The following ANK3 variants were observed in gnomAD, a reference collection of about 807,000 sequenced individuals.
The protein encoded by ANK3 is ankyrin 3, also known as ankyrin-3.
In ANK3, 57 loss-of-function variants were observed where a neutral mutation model predicts 370.9. The ratio of observed to expected loss-of-function variants is 0.15; its 90% confidence interval spans 0.12 to 0.19. ANK3 has a LOEUF of 0.19. Among genes scored for constraint, ANK3 ranks in the 10% least tolerant of loss-of-function variants. The probability of loss-of-function intolerance (pLI) is 1.00; values close to 1 mark genes in which losing one functional copy is unlikely to be tolerated. For synonymous variants in ANK3, 1,929 were observed against 1,946.3 expected (o/e 0.99, Z 0.23); for missense variants, 4,439 against 5,302.1 (o/e 0.84, Z 5.06).
chr10:60,573,033 C>T, intron 2 of ANK3: 2 of 986,678 alleles, frequency 2.0e-6, no homozygotes, highest in Non-Finnish European at 2.4e-6. Context: ...GTAAATTGCT[C>T]TCCGTGCTGC....
chr10:60,080,363 A>T, intron 36 of ANK3, 174 bp downstream of exon 36: 57 of 556,390 alleles, frequency 1.0e-4, no homozygotes, highest in Non-Finnish European at 1.2e-4. Context: ...GGGCGTTTTT[A>T]CCTCACATCT....
intron 2 of ANK3, among the ~76,000 whole-genome samples, chr10:60,571,620 T>C (rs1254363424): frequency 6.6e-6 from 1 of 152,240 alleles, no homozygotes; most frequent in African/African-American, 2.4e-5. Flanking sequence ...TAATCCTATT[T>C]TAGATATTTG....
intron 2 of ANK3, among the ~76,000 whole-genome samples, chr10:60,599,093 T>C (rs1373375473): frequency 2.0e-5 from 3 of 152,112 alleles, no homozygotes; most frequent in Non-Finnish European, 4.4e-5. Flanking sequence ...TGTGACTGGC[T>C]AATTTTTTTT....
intron 18 of ANK3, 92 bp from the exon 19 acceptor site, chr10:60,173,278 TC>T: frequency 9.6e-7 from 1 of 1,043,316 alleles, no homozygotes; most frequent in African/African-American, 1.6e-5. Flanking sequence ...ATTTAACCTT[TC>T]TTTTTGAGCT....
chr10:60,262,875 C>T (rs528368873), intron 6 of ANK3, among the ~76,000 whole-genome samples: 1 of 152,130 alleles, frequency 6.6e-6, no homozygotes, highest in South Asian at 2.1e-4. Context: ...TATTGCAATA[C>T]CCTTAAGAGT....
At chr10:60,245,109 C>T (rs568257734) in intron 7 of ANK3, among the ~76,000 whole-genome samples, 7 of 152,134 alleles carry the variant, frequency 4.6e-5, no homozygotes, top group Middle Eastern at 3.4e-3. Flanking sequence ...GCCGAGCTTG[C>T]AGTGAGCCGA....
chr10:60,723,046 G>C (rs2079886915), intron 1 of ANK3, among the ~76,000 whole-genome samples: 1 of 152,124 alleles, frequency 6.6e-6, no homozygotes. Flanking sequence ...CTACTACATT[G>C]AAAAGAGCAG....
chr10:60,153,671 A>G (rs2095236404), intron 23 of ANK3, among the ~76,000 whole-genome samples: 1 of 152,198 alleles, frequency 6.6e-6, no homozygotes, highest in African/African-American at 2.4e-5. Flanking sequence ...TTCTAATTCC[A>G]AAGACAGGAT....
At chr10:60,511,322 T>C (rs1052909401) in intron 2 of ANK3, among the ~76,000 whole-genome samples, 9 of 152,030 alleles carry the variant, frequency 5.9e-5, no homozygotes, top group South Asian at 4.1e-4. Context: ...CTTTTAGCCG[T>C]GAAAGGATAA....
At chr10:60,604,153 C>T (rs1341803118) in intron 2 of ANK3, among the ~76,000 whole-genome samples, 4 of 151,930 alleles carry the variant, frequency 2.6e-5, no homozygotes, top group African/African-American at 4.8e-5. Context: ...CGGTAGGTTC[C>T]GAGTCACTGA....
At chr10:60,030,510 A>C (rs537175683) in intron 43 of ANK3, among the ~76,000 whole-genome samples, 4 of 152,294 alleles carry the variant, frequency 2.6e-5, no homozygotes, top group African/African-American at 9.6e-5. Context: ...GATGAAGGTC[A>C]CATAATGTGA....
chr10:60,367,022 T>A (rs1039659234), intron 1 of ANK3, among the ~76,000 whole-genome samples: 1 of 152,200 alleles, frequency 6.6e-6, no homozygotes, highest in East Asian at 1.9e-4. Flanking sequence ...AGAATATATA[T>A]CCTCCTTTCC....
At chr10:60,168,690 G>A (rs1464271712) in intron 21 of ANK3, among the ~76,000 whole-genome samples, 2 of 152,102 alleles carry the variant, frequency 1.3e-5, no homozygotes, top group African/African-American at 4.8e-5. Context: ...TATTTATCCT[G>A]ATGTTCTCCC....
chr10:60,203,006 T>C lies in ANK3; in HGVS notation c.1388A>G (p.Asn463Ser). The change falls in exon 12 of 44, where the codon AAT (asparagine) becomes AGT (serine). Residue 463 changes from asparagine to serine, a missense_variant. Asn to Ser is a conservative substitution (Grantham distance 46). Coordinates refer to ENST00000280772, the MANE Select transcript of ANK3 (RefSeq NM_020987.5). ...MHHGASPNTT[N>S]VRGETALHMA... ...CTTTGTTCAAAGAATACTTACCACA[T>C]TGGTGGTGTTTGGTGAGGCTCCATG... is the stretch of plus-strand genomic sequence containing the variant. 7 of 1,604,412 alleles carry C rather than the reference T, an allele frequency of 4.4e-6. No homozygotes were observed. Among genetic ancestry groups the C allele is most frequent in the Non-Finnish European group, 6.0e-6 (7 of 1,171,818 alleles).
intron 1 of ANK3, among the ~76,000 whole-genome samples, chr10:60,725,208 T>C (rs2079924213): frequency 1.3e-5 from 2 of 152,208 alleles, no homozygotes; most frequent in African/African-American, 4.8e-5. Context: ...TAAAATCTAT[T>C]TGAATTCCTT....
intron 2 of ANK3, among the ~76,000 whole-genome samples, chr10:60,585,285 T>C (rs1436049203): frequency 1.3e-5 from 2 of 152,202 alleles, no homozygotes; most frequent in Non-Finnish European, 2.9e-5. Flanking sequence ...GCATGCTTGT[T>C]GTGCCTGTAA....
chr10:60,331,188 C>T (rs1010755261), intron 1 of ANK3, among the ~76,000 whole-genome samples: 1 of 152,046 alleles, frequency 6.6e-6, no homozygotes, highest in Non-Finnish European at 1.5e-5. Flanking sequence ...ATGGGTGCAG[C>T]AAACCACCAT....
chr10:60,130,579 G>C (rs928439774), intron 25 of ANK3, among the ~76,000 whole-genome samples: 1 of 152,116 alleles, frequency 6.6e-6, no homozygotes, highest in Non-Finnish European at 1.5e-5. Flanking sequence ...TATTACTGTG[G>C]AAGAGCTATA....
intron 40 of ANK3, 110 bp downstream of exon 40, chr10:60,063,001 A>T: frequency 8.6e-7 from 1 of 1,163,668 alleles, no homozygotes; most frequent in South Asian, 1.7e-5. Flanking sequence ...AAAATGAGAA[A>T]CTAAGTCAAG....
Sources: gnomAD v4.1 joint callset for allele counts (sites outside exome capture counted in the v4.1 genomes callset) on GRCh38, gnomAD v4.1.1 for gene constraint, MANE v1.5 for transcripts, NCBI Gene and HGNC (gene_info 2026-07-23, HGNC 2026-07-21) for gene names.